CFDP1: variants seen among roughly 807,000 people sequenced by gnomAD.
CFDP1 encodes chromatin remodeling protein CFDP1, also known as heterochromatin-stabilizing protein CFDP1.
Under a neutral mutation model 40.1 loss-of-function variants are expected in CFDP1, and 31 were observed. The ratio of observed to expected loss-of-function variants is 0.77; its 90% confidence interval spans 0.58 to 1.04. The LOEUF (loss-of-function observed/expected upper bound fraction) is 1.04. CFDP1 is among the 50% of genes least tolerant of loss of function. CFDP1 has a pLI of 0.00. For missense variants in CFDP1, 423 were observed against 343.4 expected (o/e 1.23, Z -1.83); for synonymous variants, 167 against 120.0 (o/e 1.39, Z -2.56).
At chr16:75,376,123 A>G (rs1231151075) in intron 5 of CFDP1, among the ~76,000 whole-genome samples, 1 of 152,152 alleles carries the variant, frequency 6.6e-6, no homozygotes, top group African/African-American at 2.4e-5. Flanking sequence ...AGGTGGGAAG[A>G]TCTCTTGAGC....
chr16:75,399,108 G>C (rs1050057762), intron 4 of CFDP1, among the ~76,000 whole-genome samples: 33 of 149,446 alleles, frequency 2.2e-4, no homozygotes, highest in Admixed American at 1.6e-3. Flanking sequence ...TCCACACTTA[G>C]CCACTGTCTG....
At chr16:75,362,356 G>C (rs1293123811) in intron 5 of CFDP1, among the ~76,000 whole-genome samples, 2 of 152,196 alleles carry the variant, frequency 1.3e-5, no homozygotes, top group African/African-American at 4.8e-5. Flanking sequence ...GGCAAGGGGG[G>C]TCAAGTTTAA....
intron 6 of CFDP1, among the ~76,000 whole-genome samples, chr16:75,296,587 C>G (rs181292165): frequency 2.0e-5 from 3 of 152,140 alleles, no homozygotes; most frequent in African/African-American, 7.2e-5. Flanking sequence ...TAACTGGGTA[C>G]GAATAAAGGT....
chr16:75,303,400 A>AATAAATAAATAAATGT (rs745774792), intron 6 of CFDP1, among the ~76,000 whole-genome samples: 2 of 146,246 alleles, frequency 1.4e-5, no homozygotes, highest in African/African-American at 5.1e-5. Context: ...TAAATAAATA[A>AATAAATAAATAAATGT]ATGTATGTAT....
intron 5 of CFDP1, among the ~76,000 whole-genome samples, chr16:75,393,493 G>A (rs951055127): frequency 3.9e-5 from 6 of 152,046 alleles, no homozygotes; most frequent in African/African-American, 1.2e-4. Context: ...TTTTAAAAAT[G>A]TGGGGCCGGG....
At chr16:75,413,488 G>A (rs985860958) in intron 2 of CFDP1, among the ~76,000 whole-genome samples, 1 of 151,036 alleles carries the variant, frequency 6.6e-6, no homozygotes, top group Non-Finnish European at 1.5e-5. Context: ...AGGAGGCGGA[G>A]GTTGCATTGA....
At chr16:75,298,274 C>T (rs567611224) in intron 6 of CFDP1, among the ~76,000 whole-genome samples, 2 of 152,318 alleles carry the variant, frequency 1.3e-5, no homozygotes, top group African/African-American at 2.4e-5. Flanking sequence ...AAGGGATATT[C>T]AACCTGTATC....
rs1161364350 is a variant in CFDP1 at position 75,414,651 on chromosome 16, C to T, written c.109G>A (p.Asp37Asn). 2 of 1,613,560 alleles carry T rather than the reference C, an allele frequency of 1.2e-6. No individual in the cohort carries two copies. The highest frequency in any genetic ancestry group is 1.7e-6 in the Non-Finnish European group (2 of 1,179,704). The change falls in exon 2 of 7, where the codon GAT becomes AAT. Residue 37 changes from aspartate (D) to asparagine (N), a missense_variant. Transcript: ENST00000283882. The stretch of plus-strand genomic sequence containing the variant: ...GTCTGCTCTTCACCATCCACTTCAT[C>T]TTCCTTCACTAATTCATTTACATCA... ...EDDVNELVKE[D>N]EVDGEEQTQK...
At chr16:75,363,988 A>G (rs891294744) in intron 5 of CFDP1, among the ~76,000 whole-genome samples, 3 of 131,156 alleles carry the variant, frequency 2.3e-5, no homozygotes, top group Non-Finnish European at 5.1e-5. Flanking sequence ...TGCAATTACA[A>G]ATTGAGGTAA....
At chr16:75,340,574 G>C (rs2078519906) in intron 5 of CFDP1, among the ~76,000 whole-genome samples, 2 of 152,096 alleles carry the variant, frequency 1.3e-5, no homozygotes, top group South Asian at 4.1e-4. Flanking sequence ...GGGGTAAACA[G>C]AACATAAATA....
chr16:75,335,445 T>C (rs983268066), intron 5 of CFDP1, among the ~76,000 whole-genome samples: 2 of 152,236 alleles, frequency 1.3e-5, no homozygotes, highest in Admixed American at 1.3e-4. Context: ...CAGTTTCTTA[T>C]GTGTCCATCC....
chr16:75,397,304 C>G lies in CFDP1; in HGVS notation c.531-2095G>C, dbSNP rs536883439. Among the ~76,000 whole-genome samples the G allele has an allele frequency of 2.0e-3, 307 of 151,034 alleles. 1 individual carries two copies. The highest frequency in any genetic ancestry group is 3.2e-3 in the Non-Finnish European group (217 of 67,670). On this transcript the variant is annotated intron_variant, in intron 4 of 6. Coordinates refer to ENST00000283882, the MANE Select transcript of CFDP1 (RefSeq NM_006324.3). ...CCAAAGTGGGCAGATCATTTGAGGT[C>G]AGGAGTTCGAGACCAGCCTGGCCAA...
At chr16:75,341,545 T>G (rs774383668) in intron 5 of CFDP1, among the ~76,000 whole-genome samples, 13 of 152,066 alleles carry the variant, frequency 8.5e-5, no homozygotes, top group Non-Finnish European at 1.6e-4. Flanking sequence ...AAAGCAAAAC[T>G]TCAAGGGAAC....
intron 5 of CFDP1, among the ~76,000 whole-genome samples, chr16:75,329,240 CCT>C (rs1802566694): frequency 6.6e-6 from 1 of 152,136 alleles, no homozygotes; most frequent in African/African-American, 2.4e-5. Flanking sequence ...CCTGCACTGG[CCT>C]CTCAAAGTGC....
At chr16:75,386,934 T>C (rs185468357) in intron 5 of CFDP1, among the ~76,000 whole-genome samples, 111 of 152,322 alleles carry the variant, frequency 7.3e-4, no homozygotes, top group Non-Finnish European at 2.2e-4. Context: ...CTTTAATAGA[T>C]TGAAAATACT....
intron 5 of CFDP1, among the ~76,000 whole-genome samples, chr16:75,373,000 G>A (rs180943387): frequency 2.4e-4 from 37 of 152,278 alleles, no homozygotes; most frequent in African/African-American, 8.7e-4. Flanking sequence ...GAGTTCCCCG[G>A]CATGGAAGCA....
intron 5 of CFDP1, among the ~76,000 whole-genome samples, chr16:75,323,107 G>T (rs975570983): frequency 2.0e-5 from 3 of 151,184 alleles, no homozygotes; most frequent in African/African-American, 7.3e-5. Context: ...CTTTTTGACT[G>T]TTTTTTAGTA....
At chr16:75,301,403 G>A (rs1409624326) in intron 6 of CFDP1, among the ~76,000 whole-genome samples, 5 of 152,052 alleles carry the variant, frequency 3.3e-5, no homozygotes, top group South Asian at 4.1e-4. Flanking sequence ...CTGGAGCGTC[G>A]AGGAGGTGCC....
intron 5 of CFDP1, among the ~76,000 whole-genome samples, chr16:75,357,006 CAGGTTT>C (rs2078649377): frequency 6.6e-6 from 1 of 150,646 alleles, no homozygotes; most frequent in Non-Finnish European, 1.5e-5. Flanking sequence ...CTCCGCCTCC[CAGGTTT>C]AAGCAGTTCT....
Sources: gnomAD v4.1 joint callset for allele counts (sites outside exome capture counted in the v4.1 genomes callset) on GRCh38, gnomAD v4.1.1 for gene constraint, MANE v1.5 for transcripts, NCBI Gene and HGNC (gene_info 2026-07-23, HGNC 2026-07-21) for gene names.